Variants in SORBS3 observed in about 807,000 individuals in gnomAD.
SORBS3 encodes the protein sorbin and SH3 domain containing 3.
Under a neutral mutation model 98.0 loss-of-function variants are expected in SORBS3, and 69 were observed. That is an observed-to-expected ratio of 0.70 (90% CI 0.58 to 0.86). The LOEUF is 0.86. Ranked by LOEUF, SORBS3 falls within the 40% of genes least tolerant of loss-of-function variation. The pLI, the probability that SORBS3 is intolerant of heterozygous loss-of-function variation, is 0.00. For missense variants in SORBS3, 954 were observed against 908.5 expected (o/e 1.05, Z -0.64); for synonymous variants, 394 against 355.4 (o/e 1.11, Z -1.22).
At chr8:22,546,582 C>T (rs1295856348) in intron 1 of SORBS3, among the ~76,000 whole-genome samples, 1 of 152,254 alleles carries the variant, frequency 6.6e-6, no homozygotes, top group Admixed American at 6.5e-5. Flanking sequence ...TCTGCAGCTT[C>T]TCCAATAGAG....
At position 22,565,318 on chromosome 8, in the gene SORBS3, C is replaced by A. The variant is rs760335548; in HGVS notation, c.867C>A (p.Asp289Glu). ...LAELSAELDK[D>E]LRAIETRLPS... Reference sequence around the variant, plus strand: ...AGCTGAGCGCCGAGCTGGACAAGGACCTGCGGGCAATTGAGACCCGACTGC... The same window carrying A: ...AGCTGAGCGCCGAGCTGGACAAGGAACTGCGGGCAATTGAGACCCGACTGC... The change falls in exon 11 of 21, where the codon GAC (aspartate) becomes GAA (glutamate). Residue 289 changes from aspartate (D) to glutamate (E), a missense_variant. By Grantham distance (45) the Asp-to-Glu change is conservative. Coordinates refer to ENST00000240123, the MANE Select transcript of SORBS3 (RefSeq NM_005775.5). The A allele has an allele frequency of 2.4e-5, 37 of 1,559,922 alleles. No individual in the cohort carries two copies. The Admixed American group carries it at 6.9e-4, about 29-fold the overall frequency.
Position 22,556,885 on chromosome 8 carries a change from G to C in SORBS3, c.391G>C (p.Gly131Arg). 6.2e-7 allele frequency: 1 copy of C among 1,613,086 alleles called. No individual in the cohort carries two copies. The highest frequency in any genetic ancestry group is 8.5e-7 in the Non-Finnish European group (1 of 1,180,038). Residue 131 changes from glycine (G) to arginine (R), a missense_variant, in exon 4 of 21, where the codon GGC becomes CGC. By Grantham distance (125) the Gly-to-Arg change is moderately radical. Transcript: ENST00000240123. ...GGGAATCGGGCCCGTGGACGAGAGCGGCATGCCCATTGCCCCCCGATCCGT... is the reference window on the plus strand; with the variant it reads ...GGGAATCGGGCCCGTGGACGAGAGCCGCATGCCCATTGCCCCCCGATCCGT... Reference protein sequence around the residue: ...YEGIGPVDESGMPIAPRSSVD... With the variant: ...YEGIGPVDESRMPIAPRSSVD...
At chr8:22,551,154 T>C (rs530660283), upstream of SORBS3, among the ~76,000 whole-genome samples, 2 of 137,468 alleles carry the variant, frequency 1.5e-5, no homozygotes, top group African/African-American at 2.7e-5. This position sits in a 1 kb window ranked among gnomAD's most constrained non-coding sequence, Gnocchi z 5.8. Flanking sequence ...TTATCCTCTT[T>C]AGGGGCGCGG....
chr8:22,558,288 A>G (rs963766845), intron 5 of SORBS3, 96 bp downstream of exon 5: 28 of 1,176,214 alleles, frequency 2.4e-5, no homozygotes, highest in African/African-American at 6.0e-5. Flanking sequence ...TAGCTGCTCA[A>G]GGGGTTCTTC....
chr8:22,558,357 C>A (rs1840227966), intron 5 of SORBS3, among the ~76,000 whole-genome samples, 165 bp downstream of exon 5: 1 of 152,196 alleles, frequency 6.6e-6, no homozygotes, highest in South Asian at 2.1e-4. Flanking sequence ...CCTCCCTGTA[C>A]TCGGGGCCAG....
Position 22,554,944 on chromosome 8 carries a change from G to A in SORBS3, c.184G>A (p.Gly62Ser), listed in dbSNP as rs576798422. The change falls in exon 3 of 21, where the codon GGC becomes AGC. Residue 62 changes from glycine to serine, a missense_variant. Physicochemically the swap from Gly to Ser is moderately conservative, Grantham distance 56 (BLOSUM62 0). Transcript: ENST00000240123. The surrounding 1 kb of genome is among the most constrained non-coding windows in gnomAD (Gnocchi z 6.5). ...DPAPRTVCNG[G>S]YTPRRDASQH... ...CGCGCCCAGGACTGTGTGCAATGGG[G>A]GCTACACACCAAGACGAGATGCTTC... The A allele has an allele frequency of 1.9e-6, 3 of 1,613,724 alleles. No individual in the cohort carries two copies. The South Asian group carries it at 3.3e-5, about 18-fold the overall frequency.
intron 16 of SORBS3, among the ~76,000 whole-genome samples, chr8:22,568,619 T>C (rs1840485388): frequency 6.6e-6 from 1 of 152,218 alleles, no homozygotes; most frequent in Non-Finnish European, 1.5e-5. Context: ...TTTCTATCTT[T>C]GTGTGAAATG....
intron 11 of SORBS3, 189 bp downstream of exon 11, chr8:22,565,543 G>A: frequency 3.5e-6 from 2 of 571,722 alleles, no homozygotes; most frequent in East Asian, 3.9e-5. Context: ...ACAGGGCGTC[G>A]ACTTTCGCAA....
intron 12 of SORBS3, chr8:22,566,125 C>T (rs1840411669): frequency 1.6e-6 from 1 of 624,026 alleles, no homozygotes; most frequent in Non-Finnish European, 2.4e-6. Context: ...TAGGGCGGCC[C>T]CGCCACGGCC....
At chr8:22,551,118 C>A (rs985016725), upstream of SORBS3, among the ~76,000 whole-genome samples, 6 of 152,266 alleles carry the variant, frequency 3.9e-5, no homozygotes, top group Non-Finnish European at 8.8e-5. The surrounding 1 kb of genome is among the most constrained non-coding windows in gnomAD (Gnocchi z 5.8). Context: ...CCTCCTAATC[C>A]CATCCCCGCC....
chr8:22,547,569 A>G (rs1275202429), upstream of SORBS3, among the ~76,000 whole-genome samples: 2 of 152,144 alleles, frequency 1.3e-5, no homozygotes, highest in African/African-American at 4.8e-5. Flanking sequence ...ATCGCAGTCT[A>G]CCTGAGCTGG....
chr8:22,556,734 C>T lies in SORBS3; in HGVS notation c.240C>T (p.Thr80=). 1 of 1,613,794 alleles carries T rather than the reference C, an allele frequency of 6.2e-7. No individual in the cohort carries two copies. Among genetic ancestry groups the T allele is most frequent in the African/African-American group, 1.3e-5 (1 of 75,062 alleles). The stretch of plus-strand genomic sequence containing the variant: ...CAACAGACCCTGCGTGGTATCAGAC[C>T]TGGCCAGGCCCTGGGAGCAAGCCCT... ...SQHPDPAWYQ[T]WPGPGSKPSA... The change falls in exon 4 of 21, where the codon ACC becomes ACT. Residue 80 remains threonine (T), a synonymous_variant. Transcript: ENST00000240123.
Position 22,554,209 on chromosome 8 carries a change from C to A in SORBS3, c.-55-243C>A. The A allele has an allele frequency of 7.8e-6, 2 of 257,596 alleles. No individual in the cohort carries two copies. The highest frequency in any genetic ancestry group is 1.5e-5 in the Non-Finnish European group (2 of 133,548). The allele number at this position is 257,596 out of a possible 1,614,324, so 16.0% of individuals were successfully genotyped here. ...TCACCCAAGCTCCCCCTCCCCCACT[C>A]CCACCCGGAGCTCCTGCCCTGGGCC... On this transcript the variant is annotated intron_variant, in intron 1 of 20. Coordinates refer to ENST00000240123, the MANE Select transcript of SORBS3 (RefSeq NM_005775.5). This position sits in a 1 kb window ranked among gnomAD's most constrained non-coding sequence, Gnocchi z 6.5.
At chr8:22,574,631 G>C in intron 20 of SORBS3, 36 bp from the exon 21 acceptor site, 1 of 1,607,510 alleles carries the variant, frequency 6.2e-7, no homozygotes, top group African/African-American at 1.3e-5. Flanking sequence ...TTAAAGAAGG[G>C]AGTGGGGAAA....
At chr8:22,561,578 C>A in intron 6 of SORBS3, 1 of 626,158 alleles carries the variant, frequency 1.6e-6, no homozygotes, top group Non-Finnish European at 2.8e-6. Context: ...GGGGAACGCG[C>A]GCTCTGCCAC....
upstream of SORBS3, among the ~76,000 whole-genome samples, chr8:22,551,012 G>A (rs1459214878): frequency 6.6e-6 from 1 of 152,230 alleles, no homozygotes; most frequent in Non-Finnish European, 1.5e-5. This position sits in a 1 kb window ranked among gnomAD's most constrained non-coding sequence, Gnocchi z 5.8. Context: ...ATGGGGAGCC[G>A]GAAGGGCCGG....
chr8:22,573,115 G>T (rs747098164), intron 20 of SORBS3, among the ~76,000 whole-genome samples: 1 of 148,958 alleles, frequency 6.7e-6, no homozygotes, highest in Admixed American at 6.8e-5. Context: ...GGGCTGCTTG[G>T]GCAGCCCCTT....
In SORBS3 at chr8:22,575,358, C is replaced by T. The variant is rs1840708707; in HGVS notation, c.*630C>T. On this transcript the variant is annotated 3_prime_UTR_variant, in exon 21 of 21. Transcript: ENST00000240123. ...CCTGGCCCTGGCATATCACCCCGCACTGTGGGGCCAGGCACCACTAGCCTG... is the reference window on the plus strand; with the variant it reads ...CCTGGCCCTGGCATATCACCCCGCATTGTGGGGCCAGGCACCACTAGCCTG... 1.0e-5 allele frequency: 2 copies of T among 190,864 alleles called. No individual in the cohort carries two copies. The highest frequency in any genetic ancestry group is 2.2e-5 in the Non-Finnish European group (2 of 91,782). 11.8% of individuals were successfully genotyped at this position (190,864 alleles called of 1,614,324 possible).
intron 16 of SORBS3, 34 bp downstream of exon 16, chr8:22,567,209 GC>G: frequency 6.8e-7 from 1 of 1,469,198 alleles, no homozygotes; most frequent in Non-Finnish European, 9.5e-7. Context: ...GTGGGGCTGG[GC>G]TGGGAGGGCG....
Sources: gnomAD v4.1 joint callset for allele counts (sites outside exome capture counted in the v4.1 genomes callset) on GRCh38, gnomAD v4.1.1 for gene constraint, Gnocchi (gnomAD v3.1) non-coding constraint, MANE v1.5 for transcripts, NCBI Gene and HGNC (gene_info 2026-07-23, HGNC 2026-07-21) for gene names.